The following GPC5 variants were observed in gnomAD, a reference collection of about 807,000 sequenced individuals.
The protein encoded by GPC5 is glypican-5.
Under a neutral mutation model 53.9 loss-of-function variants are expected in GPC5, and 47 were observed. That is an observed-to-expected ratio of 0.87 (90% CI 0.69 to 1.11). The LOEUF (loss-of-function observed/expected upper bound fraction) is 1.11, where lower values mean the gene tolerates loss of function less well. GPC5 is among the 50% of genes most tolerant of loss of function. GPC5 has a pLI of 0.00. For missense variants in GPC5, 748 were observed against 713.1 expected (o/e 1.05, Z -0.56); for synonymous variants, 286 against 263.3 (o/e 1.09, Z -0.84).
chr13:92,484,843 T>A (rs910208052), intron 7 of GPC5, among the ~76,000 whole-genome samples: 4 of 152,118 alleles, frequency 2.6e-5, no homozygotes, highest in Non-Finnish European at 2.9e-5. Context: ...CAAACAATTC[T>A]CCTGCCTCAG....
intron 2 of GPC5, among the ~76,000 whole-genome samples, chr13:91,478,863 C>T (rs867404491): frequency 1.1e-5 from 1 of 90,126 alleles, no homozygotes; most frequent in Non-Finnish European, 2.3e-5. Context: ...TATATATACA[C>T]ACACATATAT....
At chr13:91,583,383 T>A (rs2032442702) in intron 2 of GPC5, among the ~76,000 whole-genome samples, 1 of 152,220 alleles carries the variant, frequency 6.6e-6, no homozygotes, top group South Asian at 2.1e-4. Flanking sequence ...AAACATGATT[T>A]GAATACACCA....
At chr13:92,024,409 C>T (rs1007966231) in intron 6 of GPC5, among the ~76,000 whole-genome samples, 2 of 152,226 alleles carry the variant, frequency 1.3e-5, no homozygotes, top group East Asian at 3.9e-4. Flanking sequence ...ATTGTCCAGA[C>T]CTCTCTCCCT....
At chr13:92,242,593 T>A (rs1052339103) in intron 7 of GPC5, among the ~76,000 whole-genome samples, 1 of 151,942 alleles carries the variant, frequency 6.6e-6, no homozygotes, top group African/African-American at 2.4e-5. Flanking sequence ...ATTAAAAAAA[T>A]TAAAAAATAT....
chr13:91,403,179 G>A (rs1046356193), intron 1 of GPC5, among the ~76,000 whole-genome samples: 3 of 152,326 alleles, frequency 2.0e-5, no homozygotes, highest in South Asian at 4.1e-4. Flanking sequence ...GGGACCCGTC[G>A]TCTGACATTG....
chr13:92,191,789 C>T (rs2042224334), intron 7 of GPC5, among the ~76,000 whole-genome samples: 1 of 152,136 alleles, frequency 6.6e-6, no homozygotes. Flanking sequence ...GTAATTCTAA[C>T]TAAAAATGCT....
chr13:91,954,569 T>A (rs2040056323), intron 6 of GPC5, among the ~76,000 whole-genome samples: 1 of 152,048 alleles, frequency 6.6e-6, no homozygotes, highest in Non-Finnish European at 1.5e-5. Context: ...AATTAGACAC[T>A]ACTACTAAGG....
In GPC5 at chr13:92,286,506, C is replaced by T. The variant is rs2042955838; in HGVS notation, c.1561+141517C>T. Among the ~76,000 whole-genome samples the T allele has an allele frequency of 2.0e-5, 3 of 152,034 alleles. No individual in the cohort carries two copies. The South Asian group carries it at 6.2e-4, about 32-fold the overall frequency. ...AACCCAAATGTCCATCAATGATAGA[C>T]TGGATTAAGAAAATGTGGCACATAT... On this transcript the variant is annotated intron_variant, in intron 7 of 7. Transcript: ENST00000377067.
rs374693088 is a variant in GPC5, at chr13:92,238,945, C to T, written c.1561+93956C>T. On this transcript the variant is annotated intron_variant, in intron 7 of 7. Coordinates refer to ENST00000377067, the MANE Select transcript of GPC5 (RefSeq NM_004466.6). ...TTTTTATATATGGTGTGAGGTAGGG[C>T]TCCAGTTTAATTTCTTTGCATGTTT... Among the ~76,000 whole-genome samples the T allele has an allele frequency of 1.9e-4, 28 of 151,104 alleles. No homozygotes were observed. In the South Asian group the frequency reaches 5.6e-3, roughly 30 times the overall value.
intron 5 of GPC5, among the ~76,000 whole-genome samples, chr13:91,797,367 G>T (rs957563524): frequency 6.6e-6 from 1 of 152,036 alleles, no homozygotes; most frequent in Non-Finnish European, 1.5e-5. Flanking sequence ...CTTATTTTTA[G>T]CAGTTCAAAG....
chr13:91,440,913 A>C (rs1361391002), intron 1 of GPC5, among the ~76,000 whole-genome samples: 1 of 152,184 alleles, frequency 6.6e-6, no homozygotes, highest in Non-Finnish European at 1.5e-5. Context: ...CAGAGTTTAC[A>C]CAGAAACTGG....
intron 6 of GPC5, among the ~76,000 whole-genome samples, chr13:92,011,768 G>A (rs1230692814): frequency 3.9e-5 from 6 of 152,104 alleles, no homozygotes; most frequent in Non-Finnish European, 8.8e-5. Context: ...AGTGAATAAA[G>A]TAATAAAATG....
At chr13:92,481,855 G>A (rs185504998) in intron 7 of GPC5, among the ~76,000 whole-genome samples, 39 of 152,238 alleles carry the variant, frequency 2.6e-4, no homozygotes, top group African/African-American at 7.9e-4. Flanking sequence ...GTGGCTGGGC[G>A]CAGTGGCTGA....
intron 7 of GPC5, among the ~76,000 whole-genome samples, chr13:92,595,024 T>G (rs916881798): frequency 2.6e-5 from 4 of 152,246 alleles, no homozygotes; most frequent in African/African-American, 9.6e-5. Context: ...AGGTGTTTAA[T>G]GATATTTGAT....
At chr13:92,463,999 T>A (rs1270901458) in intron 7 of GPC5, among the ~76,000 whole-genome samples, 1 of 152,188 alleles carries the variant, frequency 6.6e-6, no homozygotes, top group Non-Finnish European at 1.5e-5. Flanking sequence ...AGCTATTATA[T>A]GTTAGGTAGC....
At position 92,056,113 on chromosome 13, in the gene GPC5, C is replaced by T. The variant is rs543843244; in HGVS notation, c.1402-88717C>T. On this transcript the variant is annotated intron_variant, in intron 6 of 7. Transcript: ENST00000377067. Reference sequence around the variant, plus strand: ...CTTAATATATTATCTTATAGTTCTGCGGGTCAGAAGTCTGAAATGGATCTT... The same window carrying T: ...CTTAATATATTATCTTATAGTTCTGTGGGTCAGAAGTCTGAAATGGATCTT... Among the ~76,000 whole-genome samples, 13 of 152,140 alleles carry T rather than the reference C, an allele frequency of 8.5e-5. No individual in the cohort carries two copies. In the South Asian group the frequency reaches 1.2e-3, roughly 15 times the overall value.
At chr13:91,737,543 G>T (rs2036841750) in intron 4 of GPC5, among the ~76,000 whole-genome samples, 1 of 151,246 alleles carries the variant, frequency 6.6e-6, no homozygotes, top group Non-Finnish European at 1.5e-5. Flanking sequence ...CAGCGTCTTT[G>T]CCAACATAAA....
intron 7 of GPC5, among the ~76,000 whole-genome samples, chr13:92,441,781 AC>A (rs1877578564): frequency 6.6e-6 from 1 of 152,180 alleles, no homozygotes; most frequent in African/African-American, 2.4e-5. Context: ...TACAGAGTCA[AC>A]ACTATTCCTA....
At chr13:92,780,496 C>T (rs890218046) in intron 7 of GPC5, among the ~76,000 whole-genome samples, 1 of 151,856 alleles carries the variant, frequency 6.6e-6, no homozygotes. Context: ...TTCTAGTTTA[C>T]TTTCTGAGAC....
Sources: allele counts gnomAD v4.1 joint callset (sites outside exome capture counted in the v4.1 genomes callset), GRCh38; gene constraint gnomAD v4.1.1; transcripts MANE v1.5; gene names NCBI Gene and HGNC (gene_info 2026-07-23, HGNC 2026-07-21).